Variants in GRM4 observed in about 807,000 individuals in gnomAD.
GRM4 encodes metabotropic glutamate receptor 4.
A neutral mutation model predicts 81.7 loss-of-function variants in GRM4; 28 were observed. The observed-to-expected ratio is 0.34, with a 90% CI of 0.25 to 0.47. GRM4 has a LOEUF of 0.47. Among genes scored for constraint, GRM4 ranks in the 20% least tolerant of loss-of-function variants. The pLI is 1.00. For missense variants in GRM4, 948 were observed against 1,290.0 expected (o/e 0.73, Z 4.06); for synonymous variants, 488 against 528.8 (o/e 0.92, Z 1.06).
Position 34,078,732 on chromosome 6 carries a change from T to C in GRM4, c.736+13151A>G, listed in dbSNP as rs1767442907. ...CCTCCCTCCCTCCTCTCCTCTTACTTGTCACTTTGTCCTGCTTCCTCTCCT... is the reference window on the plus strand; with the variant it reads ...CCTCCCTCCCTCCTCTCCTCTTACTCGTCACTTTGTCCTGCTTCCTCTCCT... On this transcript the variant is annotated intron_variant, in intron 3 of 10. Transcript: ENST00000538487. This position sits in a 1 kb window ranked among gnomAD's most constrained non-coding sequence, Gnocchi z 4.8. 6.6e-6 allele frequency among the ~76,000 whole-genome samples: 1 copy of C among 152,186 alleles called. No individual in the cohort carries two copies. The highest frequency in any genetic ancestry group is 1.5e-5 in the Non-Finnish European group (1 of 68,002).
At position 34,130,312 on chromosome 6, in the gene GRM4, G is replaced by A. The variant is rs1327393751; in HGVS notation, c.519+2666C>T. Among the ~76,000 whole-genome samples the A allele has an allele frequency of 6.6e-6, 1 of 152,078 alleles. No homozygotes were observed. The highest frequency in any genetic ancestry group is 6.5e-5 in the Admixed American group (1 of 15,284). On this transcript the variant is annotated intron_variant, in intron 2 of 10. Coordinates refer to ENST00000538487, the MANE Select transcript of GRM4 (RefSeq NM_000841.4). The surrounding 1 kb of genome is among the most constrained non-coding windows in gnomAD (Gnocchi z 4.1). ...CTCCCCGCTGTCCCTCCCTTTCCTT[G>A]CTGTCCTGCTTTCTTCTCCACTCCC...
Position 34,047,042 on chromosome 6 carries a change from G to A in GRM4, c.1169-6294C>T, listed in dbSNP as rs1344051323. On this transcript the variant is annotated intron_variant, in intron 6 of 10. Coordinates refer to ENST00000538487, the MANE Select transcript of GRM4 (RefSeq NM_000841.4). The surrounding 1 kb of genome is among the most constrained non-coding windows in gnomAD (Gnocchi z 4.5). ...GCCATGGCCCAGCTATACACTCTAG[G>A]CCAAGTATGGGAGTGTTCTAGTGCC... Among the ~76,000 whole-genome samples the A allele has an allele frequency of 6.6e-6, 1 of 152,124 alleles. No homozygotes were observed. Among genetic ancestry groups the A allele is most frequent in the Non-Finnish European group, 1.5e-5 (1 of 68,008 alleles).
chr6:34,114,948 AAC>A lies in GRM4; in HGVS notation c.519+18028_519+18029del, dbSNP rs1769529956. ...GCTGAATCAAATGGAATCCATTCAA[AAC>A]ACAGCCCAGGAAGCATGTCCATTAA... On this transcript the variant is annotated intron_variant, in intron 2 of 10. Coordinates refer to ENST00000538487, the MANE Select transcript of GRM4 (RefSeq NM_000841.4). This position sits in a 1 kb window ranked among gnomAD's most constrained non-coding sequence, Gnocchi z 4.3. 1.3e-5 allele frequency among the ~76,000 whole-genome samples: 2 copies of A among 152,194 alleles called. No individual in the cohort carries two copies. Among genetic ancestry groups the A allele is most frequent in the Admixed American group, 1.3e-4 (2 of 15,286 alleles).
At chr6:34,056,514 C>CGCCCGGCCCT (rs1561778684) in intron 6 of GRM4, 30 bp downstream of exon 6, 4 of 1,597,124 alleles carry the variant, frequency 2.5e-6, no homozygotes, top group Non-Finnish European at 8.5e-7. Flanking sequence ...TCCTAGAGCC[C>CGCCCGGCCCT]GCCCGGCCCT....
rs533347897 is a variant in GRM4, at chr6:34,090,435, G to C, written c.736+1448C>G. On this transcript the variant is annotated intron_variant, in intron 3 of 10. Transcript: ENST00000538487. This position sits in a 1 kb window ranked among gnomAD's most constrained non-coding sequence, Gnocchi z 5.2. ...CTTGGGTCTGAGCAAAGGAGGAAAGGACATGTGGGTGGCCCAAGGGAGGGG... is the reference window on the plus strand; with the variant it reads ...CTTGGGTCTGAGCAAAGGAGGAAAGCACATGTGGGTGGCCCAAGGGAGGGG... 6.6e-6 allele frequency among the ~76,000 whole-genome samples: 1 copy of C among 152,276 alleles called. No individual in the cohort carries two copies. Among genetic ancestry groups the C allele is most frequent in the South Asian group, 2.1e-4 (1 of 4,822 alleles).
Position 34,080,814 on chromosome 6 carries a change from CTT to C in GRM4, c.736+11067_736+11068del, listed in dbSNP as rs1767544736. ...TTGAGGGATCCTGATCCACTTCTCT[CTT>C]CTCTCTCTCTCTCTCACACACACAC... On this transcript the variant is annotated intron_variant, in intron 3 of 10. Coordinates refer to ENST00000538487, the MANE Select transcript of GRM4 (RefSeq NM_000841.4). This position sits in a 1 kb window ranked among gnomAD's most constrained non-coding sequence, Gnocchi z 5.4. Among the ~76,000 whole-genome samples the C allele has an allele frequency of 7.4e-6, 1 of 135,534 alleles. No homozygotes were observed. Among genetic ancestry groups the C allele is most frequent in the South Asian group, 2.5e-4 (1 of 3,928 alleles). 88.9% of individuals were successfully genotyped at this position (135,534 alleles called of 152,430 possible). A position where few individuals can be genotyped will look rare whatever the true frequency, so the allele number is the denominator to read the frequency against.
rs1181637298 is a variant in GRM4, at chr6:34,070,975, G to A, written c.737-8947C>T. Among the ~76,000 whole-genome samples, 1 of 151,696 alleles carries A rather than the reference G, an allele frequency of 6.6e-6. No individual in the cohort carries two copies. The highest frequency in any genetic ancestry group is 1.5e-5 in the Non-Finnish European group (1 of 67,914). On this transcript the variant is annotated intron_variant, in intron 3 of 10. Coordinates refer to ENST00000538487, the MANE Select transcript of GRM4 (RefSeq NM_000841.4). The surrounding 1 kb of genome is among the most constrained non-coding windows in gnomAD (Gnocchi z 4.6). Reference sequence around the variant, plus strand: ...TCATAGCCACAAAGATGGGCACAGGGCCATACGCACACACTGACAGAGTCA... The same window carrying A: ...TCATAGCCACAAAGATGGGCACAGGACCATACGCACACACTGACAGAGTCA...
In GRM4 at chr6:34,066,062, C is replaced by T. The variant is rs751220754; in HGVS notation, c.737-4034G>A. 2.0e-5 allele frequency among the ~76,000 whole-genome samples: 3 copies of T among 152,144 alleles called. 1 individual carries two copies. Among genetic ancestry groups the T allele is most frequent in the Non-Finnish European group, 4.4e-5 (3 of 68,030 alleles). ...TTATGCTTGGCCCCATCCCTCGGGG[C>T]CCGCCTTTACTACAAGACAGCTGGA... On this transcript the variant is annotated intron_variant, in intron 3 of 10. Transcript: ENST00000538487.
At chr6:34,142,095 T>C (rs1418075236) in intron 1 of GRM4, among the ~76,000 whole-genome samples, 1 of 152,200 alleles carries the variant, frequency 6.6e-6, no homozygotes, top group East Asian at 1.9e-4. Context: ...CTCCGTTCTT[T>C]CCAGGAGCCA....
At chr6:34,088,511 C>T (rs1442649040) in intron 3 of GRM4, among the ~76,000 whole-genome samples, 1 of 152,204 alleles carries the variant, frequency 6.6e-6, no homozygotes, top group Admixed American at 6.5e-5. Flanking sequence ...CAAGACCGCA[C>T]AGCCAATCAG....
At chr6:34,081,716 T>C (rs1192850321) in intron 3 of GRM4, among the ~76,000 whole-genome samples, 1 of 151,676 alleles carries the variant, frequency 6.6e-6, no homozygotes, top group African/African-American at 2.4e-5. Flanking sequence ...AGGCCTGAGG[T>C]GGGAAGCGCT....
At chr6:34,028,077 G>T (rs79264412) in intron 10 of GRM4, 43 bp downstream of exon 10, 1 of 1,575,208 alleles carries the variant, frequency 6.3e-7, no homozygotes, top group South Asian at 1.1e-5. Flanking sequence ...CAAAAGGAGC[G>T]GGGCCTGGGG....
Position 34,040,537 on chromosome 6 carries a change from C to T in GRM4, c.1369+11G>A, listed in dbSNP as rs1237671909. ...ACCCAGGGTCAGGCACAGTCCGCAC[C>T]ACACCCCCACCTGAGAAGTTGACGT... is the stretch of plus-strand genomic sequence containing the variant. On this transcript the variant is annotated intron_variant, in intron 7 of 10. Transcript: ENST00000538487. 1 of 1,609,220 alleles carries T rather than the reference C, an allele frequency of 6.2e-7. No individual in the cohort carries two copies. The highest frequency in any genetic ancestry group is 1.3e-5 in the African/African-American group (1 of 74,736).
In GRM4 at chr6:34,028,148, A is replaced by G. The variant is rs1425924765; in HGVS notation, c.2661T>C (p.Ser887=). The stretch of plus-strand genomic sequence containing the variant: ...GGGCCTCAAGGTTCTCGCAGAGCTC[A>G]GACTTGGCCTCTCCGTTGGGCCGGA... ...GNFRPNGEAK[S]ELCENLEAPA... The change falls in exon 10 of 11, where the codon TCT becomes TCC. Residue 887 remains serine (S), a synonymous_variant. Coordinates refer to ENST00000538487, the MANE Select transcript of GRM4 (RefSeq NM_000841.4). The G allele has an allele frequency of 1.9e-6, 3 of 1,613,746 alleles. No homozygotes were observed. The Admixed American group carries it at 5.0e-5, about 27-fold the overall frequency.
At chr6:34,063,835 C>A (rs1398283530) in intron 3 of GRM4, among the ~76,000 whole-genome samples, 1 of 152,142 alleles carries the variant, frequency 6.6e-6, no homozygotes, top group Admixed American at 6.5e-5. Context: ...TTCCTCCCCC[C>A]ATCTGGGGAG....
intron 2 of GRM4, among the ~76,000 whole-genome samples, chr6:34,104,784 T>C (rs7763695): frequency 0.54 from 82,457 of 151,966 alleles, 22,819 homozygotes; most frequent in South Asian, 0.64. Flanking sequence ...TCTGCATCTG[T>C]TCAATGGGGG....
intron 2 of GRM4, chr6:34,103,461 G>A (rs1475381533): frequency 1.7e-5 from 13 of 754,030 alleles, no homozygotes; most frequent in Admixed American, 1.5e-4. Flanking sequence ...AGGCAGGGCC[G>A]CAGATAAGAG....
Position 34,092,042 on chromosome 6 carries a change from C to T in GRM4, c.577G>A (p.Asp193Asn), listed in dbSNP as rs368047897. ...GAGGGCACCACGCGGGAGAAGAAGT[C>T]GTAGCGGCTGTTGTCACTCAGGTCT... is the stretch of plus-strand genomic sequence containing the variant. ...APDLSDNSRY[D>N]FFSRVVPSDT... Residue 193 changes from aspartate (D) to asparagine (N), a missense_variant, in exon 3 of 11, where the codon GAC becomes AAC. By Grantham distance (23) the Asp-to-Asn change is conservative. Coordinates refer to ENST00000538487, the MANE Select transcript of GRM4 (RefSeq NM_000841.4). This position sits in a 1 kb window ranked among gnomAD's most constrained non-coding sequence, Gnocchi z 6.8. The T allele has an allele frequency of 3.1e-6, 5 of 1,613,928 alleles. No individual in the cohort carries two copies. In the South Asian group the frequency reaches 3.3e-5, roughly 11 times the overall value.
upstream of GRM4, among the ~76,000 whole-genome samples, chr6:34,149,207 T>G (rs1770999088): frequency 6.6e-6 from 1 of 151,350 alleles, no homozygotes; most frequent in African/African-American, 2.4e-5. Context: ...CTTTAGGATT[T>G]GTTGAAATAA....
Sources: allele counts gnomAD v4.1 joint callset (sites outside exome capture counted in the v4.1 genomes callset), GRCh38; gene constraint gnomAD v4.1.1; non-coding constraint Gnocchi (gnomAD v3.1); transcripts MANE v1.5; gene names NCBI Gene and HGNC (gene_info 2026-07-23, HGNC 2026-07-21).